The following ANO2 variants were observed in gnomAD, a reference collection of about 807,000 sequenced individuals.
ANO2 encodes the protein anoctamin-2.
Under a neutral mutation model 124.2 loss-of-function variants are expected in ANO2, and 101 were observed. That is an observed-to-expected ratio of 0.81 (90% confidence interval 0.69 to 0.96). The LOEUF (loss-of-function observed/expected upper bound fraction) is 0.96, where lower values mean the gene tolerates loss of function less well. Among genes scored for constraint, ANO2 ranks in the 40% least tolerant of loss-of-function variants. The probability of loss-of-function intolerance (pLI) is 0.00; values close to 1 mark genes in which losing one functional copy is unlikely to be tolerated. For missense variants in ANO2, 1,293 were observed against 1,274.5 expected, an observed-to-expected ratio of 1.01 and a Z score of -0.22; for synonymous variants, 486 against 482.5, an observed-to-expected ratio of 1.01 and a Z score of -0.09.
intron 16 of ANO2, among the ~76,000 whole-genome samples, chr12:5,621,122 A>G (rs1427231260): frequency 6.6e-6 from 1 of 152,056 alleles, no homozygotes; most frequent in Non-Finnish European, 1.5e-5. Flanking sequence ...CTGCACCCTC[A>G]TGTGACTCTG....
chr12:5,659,253 T>A (rs1565533219), intron 14 of ANO2, among the ~76,000 whole-genome samples: 2 of 152,246 alleles, frequency 1.3e-5, no homozygotes, highest in Admixed American at 6.5e-5. Flanking sequence ...CCAGGAAGCC[T>A]TCATGGCCTG....
intron 17 of ANO2, 99 bp downstream of exon 17, chr12:5,615,087 G>A: frequency 1.1e-6 from 1 of 871,236 alleles, no homozygotes; most frequent in South Asian, 1.7e-5. Flanking sequence ...GGCTGACGCT[G>A]AGTGGACAAT....
At chr12:5,931,450 T>C (rs1942379152) in intron 1 of ANO2, among the ~76,000 whole-genome samples, 2 of 151,906 alleles carry the variant, frequency 1.3e-5, no homozygotes, top group African/African-American at 2.4e-5. Flanking sequence ...GCTCCTTCCA[T>C]CAAGCCCTGG....
At chr12:5,574,163 A>G (rs1315855113) in intron 23 of ANO2, among the ~76,000 whole-genome samples, 2 of 152,250 alleles carry the variant, frequency 1.3e-5, no homozygotes, top group Non-Finnish European at 2.9e-5. Flanking sequence ...TGATTTATAT[A>G]TATGAGGTAG....
chr12:5,677,103 G>A (rs1948280641), intron 14 of ANO2, among the ~76,000 whole-genome samples: 1 of 150,442 alleles, frequency 6.6e-6, no homozygotes, highest in African/African-American at 2.4e-5. Flanking sequence ...TCAGGCATAA[G>A]AGAAGAGACG....
chr12:5,615,132 G>T, intron 17 of ANO2, 54 bp downstream of exon 17: 2 of 1,445,036 alleles, frequency 1.4e-6, no homozygotes, highest in East Asian at 4.7e-5. Context: ...TGACAGTAGA[G>T]AACCCAGTCT....
intron 16 of ANO2, among the ~76,000 whole-genome samples, chr12:5,624,507 G>A (rs1945297698): frequency 6.6e-6 from 1 of 152,128 alleles, no homozygotes; most frequent in African/African-American, 2.4e-5. Flanking sequence ...GCACACACTG[G>A]TCTAAAACCT....
chr12:5,802,572 T>C (rs1029942021), intron 9 of ANO2, among the ~76,000 whole-genome samples: 1 of 152,166 alleles, frequency 6.6e-6, no homozygotes, highest in African/African-American at 2.4e-5. Flanking sequence ...GAACTCCAGC[T>C]TGCAGGGTCC....
chr12:5,906,071 C>T (rs1940659212), intron 3 of ANO2, among the ~76,000 whole-genome samples: 1 of 152,098 alleles, frequency 6.6e-6, no homozygotes. Context: ...GGCAATACTG[C>T]TATTGAATGA....
rs566888312 is a variant in ANO2, at chr12:5,641,011, T to C, written c.1621-5664A>G. ...AGTGATAGACTGGATTAAGAAAATG[T>C]GGCACATATACACCATGGAATACTA... On this transcript the variant is annotated intron_variant, in intron 15 of 24. Coordinates refer to ENST00000682330, the MANE Select transcript of ANO2 (RefSeq NM_001364791.2). Among the ~76,000 whole-genome samples, 6 of 152,328 alleles carry C rather than the reference T, an allele frequency of 3.9e-5. No individual in the cohort carries two copies. In the East Asian group the frequency reaches 1.2e-3, roughly 29 times the overall value.
intron 1 of ANO2, among the ~76,000 whole-genome samples, chr12:5,930,776 C>T (rs1942329545): frequency 6.6e-6 from 1 of 152,176 alleles, no homozygotes; most frequent in Non-Finnish European, 1.5e-5. Flanking sequence ...CCACCCCTTG[C>T]CCCAGAGGTC....
rs1273732158 is a variant in ANO2, at chr12:5,658,641, G to T, written c.1546-10840C>A. Among the ~76,000 whole-genome samples the T allele has an allele frequency of 1.4e-5, 2 of 147,430 alleles. No individual in the cohort carries two copies. Among genetic ancestry groups the T allele is most frequent in the East Asian group, 4.0e-4 (2 of 4,982 alleles). ...CATCATCAACATCAATATTATCATT[G>T]TCATCAATATCATCATCATCATCAT... On this transcript the variant is annotated intron_variant, in intron 14 of 24. Coordinates refer to ENST00000682330, the MANE Select transcript of ANO2 (RefSeq NM_001364791.2). The surrounding 1 kb of genome is among the most constrained non-coding windows in gnomAD (Gnocchi z 4.3).
At chr12:5,574,746 C>T (rs1942308407) in intron 23 of ANO2, among the ~76,000 whole-genome samples, 1 of 152,220 alleles carries the variant, frequency 6.6e-6, no homozygotes, top group Admixed American at 6.5e-5. Context: ...GCCCATTGTC[C>T]TCACTGAGAA....
intron 10 of ANO2, among the ~76,000 whole-genome samples, chr12:5,796,724 A>T (rs1399760169): frequency 1.3e-5 from 2 of 152,202 alleles, no homozygotes; most frequent in East Asian, 3.9e-4. Flanking sequence ...CCAGGGGTGC[A>T]GGGAAGGGTG....
chr12:5,802,505 C>G (rs116716765), intron 9 of ANO2, among the ~76,000 whole-genome samples: 5,046 of 152,258 alleles, frequency 0.033, 123 homozygotes, highest in African/African-American at 0.052. Flanking sequence ...GCTGTAGACC[C>G]TTCCCAATCT....
rs1947050802 is a variant in ANO2 at position 5,654,151 on chromosome 12, CA to C, written c.1546-6351del. 3.3e-5 allele frequency among the ~76,000 whole-genome samples: 5 copies of C among 152,218 alleles called. No homozygotes were observed. The South Asian group carries it at 1.0e-3, about 32-fold the overall frequency. ...CATCTGATAGTAGGCTGGCAGGGGT[CA>C]TAGAGGACAAATAATCCAGTCCCTT... On this transcript the variant is annotated intron_variant, in intron 14 of 24. Transcript: ENST00000682330.
At chr12:5,670,710 T>TA (rs1480951310) in intron 14 of ANO2, among the ~76,000 whole-genome samples, 2 of 149,140 alleles carry the variant, frequency 1.3e-5, no homozygotes, top group Middle Eastern at 3.4e-3. Flanking sequence ...AATTTTTTTT[T>TA]AAAAAATGTT....
At chr12:5,854,225 G>C in intron 3 of ANO2, 84 bp from the exon 4 acceptor site, 1 of 1,245,534 alleles carries the variant, frequency 8.0e-7, no homozygotes. Context: ...TCCACACAAG[G>C]AGCCCAACCC....
chr12:5,812,102 GGAGGC>G (rs1489895518), intron 7 of ANO2, among the ~76,000 whole-genome samples: 5 of 147,046 alleles, frequency 3.4e-5, no homozygotes, highest in African/African-American at 7.6e-5. Context: ...GGAGGGGAGG[GGAGGC>G]GAGGCCAGGG....
Sources: allele counts gnomAD v4.1 joint callset (sites outside exome capture counted in the v4.1 genomes callset), GRCh38; gene constraint gnomAD v4.1.1; non-coding constraint Gnocchi (gnomAD v3.1); transcripts MANE v1.5; gene names NCBI Gene and HGNC (gene_info 2026-07-23, HGNC 2026-07-21).